GRM4: variants seen among roughly 807,000 people sequenced by gnomAD.
GRM4 encodes the protein metabotropic glutamate receptor 4.
In GRM4, 28 loss-of-function variants were observed where a neutral mutation model predicts 81.7. The observed-to-expected ratio is 0.34, with a 90% CI of 0.25 to 0.47. The LOEUF (loss-of-function observed/expected upper bound fraction) is 0.47. Among genes scored for constraint, GRM4 ranks in the 20% least tolerant of loss-of-function variants. The pLI is 1.00. For synonymous variants in GRM4, 488 were observed against 528.8 expected (o/e 0.92, Z 1.06); for missense variants, 948 against 1,290.0 (o/e 0.73, Z 4.06).
At position 34,036,608 on chromosome 6, in the gene GRM4, C is replaced by A; in HGVS notation, c.1507-5G>T. The A allele has an allele frequency of 6.6e-7, 1 of 1,512,532 alleles. No individual in the cohort carries two copies. Among genetic ancestry groups the A allele is most frequent in the Non-Finnish European group, 9.0e-7 (1 of 1,110,218 alleles). 93.7% of individuals were successfully genotyped at this position (1,512,532 alleles called of 1,614,324 possible). A position where few individuals can be genotyped will look rare whatever the true frequency, so the allele number is the denominator to read the frequency against. ...CGGCCAGTGCATCCGCTCTATCTGG[C>A]AATGACAGCACCGTAAAGCAGGCCT... On this transcript the variant is annotated splice_polypyrimidine_tract_variant and splice_region_variant and intron_variant, in intron 8 of 10. Coordinates refer to ENST00000538487, the MANE Select transcript of GRM4 (RefSeq NM_000841.4). This position sits in a 1 kb window ranked among gnomAD's most constrained non-coding sequence, Gnocchi z 9.0.
chr6:34,150,736 G>T (rs1771028829), upstream of GRM4, among the ~76,000 whole-genome samples: 2 of 152,212 alleles, frequency 1.3e-5, no homozygotes, highest in Admixed American at 1.3e-4. Flanking sequence ...ATATGAGAAA[G>T]GAAAAGCAGA....
intron 2 of GRM4, among the ~76,000 whole-genome samples, chr6:34,131,827 G>A (rs1021936726): frequency 2.0e-5 from 3 of 152,136 alleles, no homozygotes; most frequent in Non-Finnish European, 4.4e-5. Flanking sequence ...GGAGACTTTG[G>A]GGAGACAAAG....
chr6:34,045,161 G>T, intron 6 of GRM4, among the ~76,000 whole-genome samples: 1 of 152,214 alleles, frequency 6.6e-6, no homozygotes, highest in Non-Finnish European at 1.5e-5. Context: ...TAGGGGAGGG[G>T]TGGGGGATAC....
intron 2 of GRM4, among the ~76,000 whole-genome samples, chr6:34,096,807 CCTCT>C (rs1202016966): frequency 6.6e-6 from 1 of 152,234 alleles, no homozygotes; most frequent in African/African-American, 2.4e-5. Context: ...TCTCCCTCTC[CCTCT>C]GTCTCTGGCT....
At position 34,035,919 on chromosome 6, in the gene GRM4, C is replaced by T. The variant is rs1764678488; in HGVS notation, c.2191G>A (p.Asp731Asn). 1.2e-6 allele frequency: 2 copies of T among 1,609,252 alleles called. No homozygotes were observed. Among genetic ancestry groups the T allele is most frequent in the Non-Finnish European group, 1.7e-6 (2 of 1,176,264 alleles). Residue 731 changes from aspartate (D) to asparagine (N), a missense_variant, in exon 9 of 11, where the codon GAC (aspartate) becomes AAC (asparagine). Physicochemically the swap from Asp to Asn is conservative, Grantham distance 23. Transcript: ENST00000538487. The surrounding 1 kb of genome is among the most constrained non-coding windows in gnomAD (Gnocchi z 6.6). ...DPSHSVVDFQ[D>N]QRTLDPRFAR... ...AAGCGGGGGTCGAGTGTCCGCTGGT[C>T]CTGGAAGTCCACCACCGAGTGGGAG...
rs1039301339 is a variant in GRM4, at chr6:34,022,444, G to A, written c.*377C>T. ...GGGAAAAGGTGAAACAAAGAGATAA[G>A]AGAACAGAAAGACAGGGCTGGAGAC... On this transcript the variant is annotated 3_prime_UTR_variant, in exon 11 of 11. Coordinates refer to ENST00000538487, the MANE Select transcript of GRM4 (RefSeq NM_000841.4). The surrounding 1 kb of genome is among the most constrained non-coding windows in gnomAD (Gnocchi z 5.6). 2 of 248,382 alleles carry A rather than the reference G, an allele frequency of 8.1e-6. No individual in the cohort carries two copies. Among genetic ancestry groups the A allele is most frequent in the Non-Finnish European group, 1.6e-5 (2 of 128,104 alleles). 15.4% of individuals were successfully genotyped at this position (248,382 alleles called of 1,614,324 possible).
intron 2 of GRM4, chr6:34,110,514 C>T: frequency 2.0e-6 from 1 of 502,900 alleles, no homozygotes; most frequent in Non-Finnish European, 3.6e-6. Context: ...GTGCCCTCTG[C>T]CAACTGGGCT....
intron 6 of GRM4, among the ~76,000 whole-genome samples, chr6:34,041,722 C>T (rs1765029233): frequency 6.6e-6 from 1 of 152,196 alleles, no homozygotes; most frequent in Admixed American, 6.5e-5. Context: ...TCCAAGAGGG[C>T]TATGGAGGTC....
In GRM4 at chr6:34,070,152, C is replaced by T. The variant is rs763893612; in HGVS notation, c.737-8124G>A. ...ACCTGCTCACACGCTCCCATCCCCTCGGTGACCTCCCCTCTGAGCTGCCAC... is the reference window on the plus strand; with the variant it reads ...ACCTGCTCACACGCTCCCATCCCCTTGGTGACCTCCCCTCTGAGCTGCCAC... On this transcript the variant is annotated intron_variant, in intron 3 of 10. Transcript: ENST00000538487. The surrounding 1 kb of genome is among the most constrained non-coding windows in gnomAD (Gnocchi z 4.6). 1.3e-5 allele frequency among the ~76,000 whole-genome samples: 2 copies of T among 152,060 alleles called. No homozygotes were observed. The highest frequency in any genetic ancestry group is 2.9e-5 in the Non-Finnish European group (2 of 68,004).
chr6:34,097,681 C>T (rs1768607650), intron 2 of GRM4, among the ~76,000 whole-genome samples: 1 of 152,198 alleles, frequency 6.6e-6, no homozygotes, highest in Non-Finnish European at 1.5e-5. Context: ...CCCACACCAT[C>T]CAAAGGTGGA....
intron 2 of GRM4, chr6:34,103,668 G>A (rs1344069750): frequency 6.5e-7 from 1 of 1,534,358 alleles, no homozygotes; most frequent in African/African-American, 1.4e-5. Flanking sequence ...GCAGGGCAGA[G>A]GCCCAGCAAG....
intron 2 of GRM4, among the ~76,000 whole-genome samples, chr6:34,129,687 C>A (rs1045800582): frequency 6.6e-6 from 1 of 152,200 alleles, no homozygotes; most frequent in African/African-American, 2.4e-5. Context: ...AGCAGGCAGT[C>A]TCCCAGGAGT....
chr6:34,055,242 TTC>T (rs1765810561), intron 6 of GRM4: 1 of 152,040 alleles, frequency 6.6e-6, no homozygotes, highest in Admixed American at 6.6e-5. Flanking sequence ...CACACATCCC[TTC>T]TCTCTCAGGA....
At position 34,114,888 on chromosome 6, in the gene GRM4, G is replaced by A. The variant is rs2127500798; in HGVS notation, c.519+18090C>T. ...CTGCCCATCCCCACCACCTGCTCCA[G>A]TATCTTGCACAAACTTGGAGCTCCA... On this transcript the variant is annotated intron_variant, in intron 2 of 10. Transcript: ENST00000538487. This position sits in a 1 kb window ranked among gnomAD's most constrained non-coding sequence, Gnocchi z 4.3. Among the ~76,000 whole-genome samples the A allele has an allele frequency of 6.6e-6, 1 of 152,294 alleles. No homozygotes were observed. Among genetic ancestry groups the A allele is most frequent in the Admixed American group, 6.5e-5 (1 of 15,296 alleles).
At position 34,061,662 on chromosome 6, in the gene GRM4, G is replaced by A. The variant is rs1204576189; in HGVS notation, c.872+231C>T. On this transcript the variant is annotated intron_variant, in intron 4 of 10. Coordinates refer to ENST00000538487, the MANE Select transcript of GRM4 (RefSeq NM_000841.4). ...AGCACCCAGGTAGCCATCCCTAGCAGGTGGAATGGATGCAGGAAATGGAGA... is the reference window on the plus strand; with the variant it reads ...AGCACCCAGGTAGCCATCCCTAGCAAGTGGAATGGATGCAGGAAATGGAGA... 3.9e-5 allele frequency: 18 copies of A among 457,938 alleles called. No homozygotes were observed. The South Asian group carries it at 7.2e-4, about 18-fold the overall frequency. 28.4% of individuals were successfully genotyped at this position (457,938 alleles called of 1,614,324 possible).
intron 3 of GRM4, among the ~76,000 whole-genome samples, chr6:34,071,938 A>G (rs1766904414): frequency 3.1e-5 from 1 of 31,788 alleles, no homozygotes; most frequent in Non-Finnish European, 6.1e-5. Flanking sequence ...GCACACACAG[A>G]CACACACATA....
chr6:34,107,400 A>C (rs867918803), intron 2 of GRM4, among the ~76,000 whole-genome samples: 1 of 152,162 alleles, frequency 6.6e-6, no homozygotes, highest in Non-Finnish European at 1.5e-5. Context: ...AGGAGGCCAC[A>C]GTGAGCAAAA....
rs1766599207 is a variant in GRM4 at position 34,068,412 on chromosome 6, G to A, written c.737-6384C>T. On this transcript the variant is annotated intron_variant, in intron 3 of 10. Transcript: ENST00000538487. This position sits in a 1 kb window ranked among gnomAD's most constrained non-coding sequence, Gnocchi z 4.2. ...TCCTGCACGACCTGGGGTTGTCTGA[G>A]CCTGAGGTGAGCTTAGGTTTACAGG... 6.6e-6 allele frequency among the ~76,000 whole-genome samples: 1 copy of A among 152,188 alleles called. No homozygotes were observed. Among genetic ancestry groups the A allele is most frequent in the Non-Finnish European group, 1.5e-5 (1 of 68,034 alleles).
Position 34,124,839 on chromosome 6 carries a change from A to AC in GRM4, c.519+8138dup, listed in dbSNP as rs546519435. Among the ~76,000 whole-genome samples, 80 of 148,566 alleles carry AC rather than the reference A, an allele frequency of 5.4e-4. No homozygotes were observed. In the South Asian group the frequency reaches 7.6e-3, roughly 14 times the overall value. On this transcript the variant is annotated intron_variant, in intron 2 of 10. Coordinates refer to ENST00000538487, the MANE Select transcript of GRM4 (RefSeq NM_000841.4). ...GAAGCCAGCACTCATGAACTTGAGG[A>AC]CCCCCCCCTAGACTCAGCCTTCACC...
Sources: gnomAD v4.1 joint callset for allele counts (sites outside exome capture counted in the v4.1 genomes callset) on GRCh38, gnomAD v4.1.1 for gene constraint, Gnocchi (gnomAD v3.1) non-coding constraint, MANE v1.5 for transcripts, NCBI Gene and HGNC (gene_info 2026-07-23, HGNC 2026-07-21) for gene names.